HTR1E: variants seen among roughly 807,000 people sequenced by gnomAD.
HTR1E encodes 5-HT-1E.
In HTR1E, 3 loss-of-function variants were observed where a neutral mutation model predicts 3.4. That is an observed-to-expected ratio of 0.89 (90% CI 0.41 to 2.31). The LOEUF (loss-of-function observed/expected upper bound fraction) is 2.31. HTR1E is among the 30% of genes most tolerant of loss of function. The probability of loss-of-function intolerance (pLI) is 0.05; values close to 1 mark genes in which losing one functional copy is unlikely to be tolerated. For synonymous variants in HTR1E, 170 were observed against 182.8 expected (o/e 0.93, Z 0.56); for missense variants, 392 against 467.0 (o/e 0.84, Z 1.48).
rs1010772927 is a variant in HTR1E, at chr6:86,946,783, G to GTGGC, written c.-186+8962_-186+8965dup. On this transcript the variant is annotated intron_variant, in intron 1 of 1. Transcript: ENST00000305344. ...CACATTAGATATGCTGCCCTGAAAA[G>GTGGC]TGGCTTGCAAACAGAATTTTTAGAA... is the stretch of plus-strand genomic sequence containing the variant. 1.3e-4 allele frequency among the ~76,000 whole-genome samples: 20 copies of GTGGC among 152,142 alleles called. 1 individual carries two copies.
intron 1 of HTR1E, among the ~76,000 whole-genome samples, chr6:87,008,855 A>G (rs1768157482): frequency 6.6e-6 from 1 of 152,174 alleles, no homozygotes; most frequent in South Asian, 2.1e-4. Context: ...CAAGAAGTAT[A>G]ACTTGACAAA....
chr6:86,976,492 G>T (rs1582268778), intron 1 of HTR1E, among the ~76,000 whole-genome samples: 2 of 152,298 alleles, frequency 1.3e-5, no homozygotes, highest in South Asian at 2.1e-4. Context: ...CTGAATTTTT[G>T]TCTACATACT....
At chr6:86,999,186 T>C (rs181045045) in intron 1 of HTR1E, among the ~76,000 whole-genome samples, 17 of 152,178 alleles carry the variant, frequency 1.1e-4, no homozygotes, top group African/African-American at 4.1e-4. Flanking sequence ...AGTCTCCAAT[T>C]CCTGGCTTCA....
intron 1 of HTR1E, among the ~76,000 whole-genome samples, chr6:86,984,783 G>A (rs1767760763): frequency 1.3e-5 from 2 of 152,172 alleles, no homozygotes; most frequent in African/African-American, 2.4e-5. Context: ...AGAAAGCATG[G>A]AGAAACATCC....
At chr6:86,949,697 AT>A (rs1767199848) in intron 1 of HTR1E, among the ~76,000 whole-genome samples, 1 of 152,080 alleles carries the variant, frequency 6.6e-6, no homozygotes, top group Non-Finnish European at 1.5e-5. Flanking sequence ...AAAAATTATG[AT>A]TTTTATTATA....
chr6:87,002,720 T>C (rs139101706), intron 1 of HTR1E, among the ~76,000 whole-genome samples: 1,954 of 152,296 alleles, frequency 0.013, 42 homozygotes, highest in African/African-American at 0.044. Flanking sequence ...AGAGTGCTGA[T>C]TGGTGGGTTT....
chr6:87,016,662 CAT>C lies in HTR1E; in HGVS notation c.*231_*232del. ...TCTGTGATACATAATTTCAAATAAA[CAT>C]TATCATACAAAAACAGAAATTTTGT... On this transcript the variant is annotated 3_prime_UTR_variant, in exon 2 of 2. Coordinates refer to ENST00000305344, the MANE Select transcript of HTR1E (RefSeq NM_000865.3). 2.8e-6 allele frequency: 1 copy of C among 360,944 alleles called. No homozygotes were observed. The highest frequency in any genetic ancestry group is 4.3e-5 in the East Asian group (1 of 23,114). 22.4% of individuals were successfully genotyped at this position (360,944 alleles called of 1,614,324 possible).
intron 1 of HTR1E, among the ~76,000 whole-genome samples, chr6:86,995,688 G>GAAAAAAAAAAAAAAAAAAAAAA (rs58476122): frequency 3.6e-5 from 2 of 55,202 alleles, no homozygotes; most frequent in East Asian, 5.2e-4. Context: ...AAAAAAAAAA[G>GAAAAAAAAAAAAAAAAAAAAAA]AAAAAAAAAA....
chr6:87,007,222 C>T (rs1768125474), intron 1 of HTR1E, among the ~76,000 whole-genome samples: 1 of 152,118 alleles, frequency 6.6e-6, no homozygotes, highest in South Asian at 2.1e-4. Flanking sequence ...AAGCCAGGCA[C>T]AGGAAGACAA....
intron 1 of HTR1E, among the ~76,000 whole-genome samples, chr6:86,963,885 C>A (rs571711930): frequency 6.6e-6 from 1 of 152,260 alleles, no homozygotes; most frequent in East Asian, 1.9e-4. Context: ...TTAAGCAATG[C>A]AGGACTATAC....
chr6:86,999,062 C>T (rs1194141682), intron 1 of HTR1E, among the ~76,000 whole-genome samples: 3 of 152,076 alleles, frequency 2.0e-5, no homozygotes, highest in African/African-American at 4.8e-5. Flanking sequence ...TGGGTTCAAA[C>T]GATTCTCATA....
intron 1 of HTR1E, among the ~76,000 whole-genome samples, chr6:86,946,481 T>C (rs562939085): frequency 6.6e-6 from 1 of 152,380 alleles, no homozygotes; most frequent in Non-Finnish European, 1.5e-5. Context: ...CACATCTTGA[T>C]GTTCACACAA....
chr6:87,000,769 AG>A (rs1372974849), intron 1 of HTR1E, among the ~76,000 whole-genome samples: 1 of 152,240 alleles, frequency 6.6e-6, no homozygotes, highest in Non-Finnish European at 1.5e-5. Context: ...TCAATCTGAA[AG>A]GGGGACATTA....
chr6:86,989,380 G>A (rs1317369665), intron 1 of HTR1E, among the ~76,000 whole-genome samples: 1 of 152,132 alleles, frequency 6.6e-6, no homozygotes, highest in Non-Finnish European at 1.5e-5. Context: ...AACTTAAGAA[G>A]CTATCACAAA....
At chr6:86,979,884 G>A (rs1488184086) in intron 1 of HTR1E, among the ~76,000 whole-genome samples, 1 of 152,148 alleles carries the variant, frequency 6.6e-6, no homozygotes, top group Non-Finnish European at 1.5e-5. Flanking sequence ...GTAGAAGGAT[G>A]CCTGACAGGA....
chr6:86,988,485 C>T (rs1255657608), intron 1 of HTR1E, among the ~76,000 whole-genome samples: 1 of 152,106 alleles, frequency 6.6e-6, no homozygotes, highest in Admixed American at 6.6e-5. Context: ...CCCGAATTCC[C>T]ACAGAATGAT....
chr6:86,955,054 T>C (rs1437358246), intron 1 of HTR1E, among the ~76,000 whole-genome samples: 1 of 152,124 alleles, frequency 6.6e-6, no homozygotes, highest in African/African-American at 2.4e-5. Context: ...CTTATGACTT[T>C]ACCACACTTT....
At chr6:86,954,816 A>G (rs894739836) in intron 1 of HTR1E, among the ~76,000 whole-genome samples, 2 of 152,230 alleles carry the variant, frequency 1.3e-5, no homozygotes, top group African/African-American at 4.8e-5. Flanking sequence ...TAATTCTTCT[A>G]GAAAGCTTGA....
chr6:87,016,119 C>T lies in HTR1E; in HGVS notation c.785C>T (p.Ser262Phe), dbSNP rs6303. Residue 262 changes from serine to phenylalanine, a missense_variant, in exon 2 of 2, where the codon TCC becomes TTC. This residue lies in a region of HTR1E where 178 missense variants were observed against 164.9 expected (regional missense o/e 1.08). Transcript: ENST00000305344. Reference sequence around the variant, plus strand: ...ACAGAGTTTGAAAAGTTCCATGCCTCCATCAGGATCCCCCCCTTCGACAAT... The same window carrying T: ...ACAGAGTTTGAAAAGTTCCATGCCTTCATCAGGATCCCCCCCTTCGACAAT... ...PTTEFEKFHA[S>F]IRIPPFDNDL... 2,574 of 1,614,164 alleles carry T rather than the reference C, an allele frequency of 1.6e-3. 4 individuals carry two copies. Among genetic ancestry groups the T allele is most frequent in the Non-Finnish European group, 2.0e-3 (2,397 of 1,180,012 alleles).
Sources: gnomAD v4.1 joint callset for allele counts (sites outside exome capture counted in the v4.1 genomes callset) on GRCh38, gnomAD v4.1.1 for gene constraint, gnomAD v4.1.1 regional missense constraint, MANE v1.5 for transcripts, NCBI Gene and HGNC (gene_info 2026-07-23, HGNC 2026-07-21) for gene names.